Variants in SV2C observed in about 807,000 individuals in gnomAD.
SV2C encodes the protein synaptic vesicle glycoprotein 2C.
SV2C carries 49 observed loss-of-function variants against 79.7 expected under a neutral mutation model. The ratio of observed to expected loss-of-function variants is 0.61; its 90% confidence interval spans 0.49 to 0.78. The LOEUF (loss-of-function observed/expected upper bound fraction) is 0.78. Ranked by LOEUF, SV2C falls within the 30% of genes least tolerant of loss-of-function variation. SV2C has a pLI of 0.00. For missense variants in SV2C, 833 were observed against 912.9 expected (o/e 0.91, Z 1.13); for synonymous variants, 334 against 333.2 (o/e 1.00, Z -0.03).
chr5:76,223,066 C>T (rs993142602), intron 4 of SV2C, among the ~76,000 whole-genome samples: 2 of 152,088 alleles, frequency 1.3e-5, no homozygotes, highest in African/African-American at 4.8e-5. Context: ...GGCCCAGATG[C>T]CAGCTACCCC....
At chr5:76,221,215 G>A (rs10462536) in intron 4 of SV2C, among the ~76,000 whole-genome samples, 66,998 of 152,076 alleles carry the variant, frequency 0.44, 16,286 homozygotes, top group Admixed American at 0.55. Flanking sequence ...GGATAGCTCA[G>A]GGAATGGTCA....
rs1279039856 is a variant in SV2C, at chr5:76,298,881, C to T, written c.1590C>T (p.Thr530=). Residue 530 remains threonine, a synonymous_variant, in exon 10 of 13, where the codon ACC becomes ACT. Transcript: ENST00000502798. ...TTGAGGATGTAACTTCAGTGAACAC[C>T]TACTTCAAGAACTGCACATTTATTG... ...CTFEDVTSVN[T]YFKNCTFIDT... 2 of 1,613,852 alleles carry T rather than the reference C, an allele frequency of 1.2e-6. No homozygotes were observed. Among genetic ancestry groups the T allele is most frequent in the Non-Finnish European group, 1.7e-6 (2 of 1,179,922 alleles).
At chr5:75,925,859 A>T in the SV2C span, among the ~76,000 whole-genome samples, 152 of 152,274 alleles carry the variant, frequency 1.0e-3, 2 homozygotes, top group East Asian at 0.023. Context: ...TTTATCATCT[A>T]CCTGCAATGT....
chr5:76,226,531 A>G (rs1000658135), intron 4 of SV2C, among the ~76,000 whole-genome samples: 1 of 152,248 alleles, frequency 6.6e-6, no homozygotes, highest in East Asian at 1.9e-4. Flanking sequence ...TTATAGAGAT[A>G]CAATTTACAC....
the SV2C span, chr5:75,921,569 C>T: frequency 5.3e-5 from 50 of 940,908 alleles, no homozygotes; most frequent in Admixed American, 2.4e-4. Context: ...TGTGTCATTG[C>T]GGCCCGTGAA....
the SV2C span, among the ~76,000 whole-genome samples, chr5:75,969,258 A>C: frequency 5.3e-5 from 8 of 152,156 alleles, no homozygotes; most frequent in East Asian, 3.9e-4. Flanking sequence ...TAGGAAGAAA[A>C]TGCATCAACT....
chr5:75,988,437 C>G, the SV2C span, among the ~76,000 whole-genome samples: 2 of 152,018 alleles, frequency 1.3e-5, no homozygotes, highest in East Asian at 1.9e-4. Context: ...AATCATTTCC[C>G]AGAAATACAA....
In SV2C at chr5:76,228,891, G is replaced by A. The variant is rs536596868; in HGVS notation, c.913+19004G>A. Among the ~76,000 whole-genome samples the A allele has an allele frequency of 2.0e-5, 3 of 152,218 alleles. No individual in the cohort carries two copies. The South Asian group carries it at 6.2e-4, about 32-fold the overall frequency. Reference sequence around the variant, plus strand: ...GTAAGGTGGAGGAGCTAGGATTCAGGGCCATGCCATGCCTCCAGATACCAC... The same window carrying A: ...GTAAGGTGGAGGAGCTAGGATTCAGAGCCATGCCATGCCTCCAGATACCAC... On this transcript the variant is annotated intron_variant, in intron 4 of 12. Transcript: ENST00000502798.
the SV2C span, among the ~76,000 whole-genome samples, chr5:76,003,664 A>T: frequency 6.6e-6 from 1 of 152,164 alleles, no homozygotes; most frequent in Non-Finnish European, 1.5e-5. Flanking sequence ...ACAACAAAAT[A>T]TGATGATTAA....
Position 76,217,196 on chromosome 5 carries a change from T to A in SV2C, c.913+7309T>A, listed in dbSNP as rs187009627. ...CTTGGGGCTCCCATAAACGTCAGAC[T>A]TACCCCACCCTACGTCTCCAGCCAT... is the stretch of plus-strand genomic sequence containing the variant. On this transcript the variant is annotated intron_variant, in intron 4 of 12. Transcript: ENST00000502798. Among the ~76,000 whole-genome samples, 254 of 152,272 alleles carry A rather than the reference T, an allele frequency of 1.7e-3. 1 individual carries two copies. Among genetic ancestry groups the A allele is most frequent in the African/African-American group, 5.9e-3 (245 of 41,546 alleles).
At chr5:76,239,816 C>T (rs1327466680) in intron 4 of SV2C, among the ~76,000 whole-genome samples, 1 of 152,184 alleles carries the variant, frequency 6.6e-6, no homozygotes, top group African/African-American at 2.4e-5. Flanking sequence ...ATTCTGTTGC[C>T]ACCCATGCTA....
the SV2C span, among the ~76,000 whole-genome samples, chr5:76,023,021 G>A: frequency 6.6e-6 from 1 of 152,170 alleles, no homozygotes; most frequent in Non-Finnish European, 1.5e-5. Flanking sequence ...TGCCCCTGTA[G>A]ATGTATATCC....
chr5:76,072,684 A>G, the SV2C span, among the ~76,000 whole-genome samples: 2 of 152,252 alleles, frequency 1.3e-5, no homozygotes, highest in East Asian at 3.9e-4. Context: ...AAATCTCCAC[A>G]TTTTTTCCAT....
At chr5:76,220,617 T>A (rs1415825305) in intron 4 of SV2C, among the ~76,000 whole-genome samples, 6 of 127,666 alleles carry the variant, frequency 4.7e-5, no homozygotes, top group South Asian at 2.6e-4. Flanking sequence ...GACACTGTCT[T>A]AAAAAAAAAA....
the SV2C span, among the ~76,000 whole-genome samples, chr5:76,001,732 A>G: frequency 6.6e-6 from 1 of 152,116 alleles, no homozygotes; most frequent in East Asian, 1.9e-4. Context: ...ACCCTTAGTC[A>G]TTTGCACTGG....
the SV2C span, among the ~76,000 whole-genome samples, chr5:75,996,072 T>C: frequency 1.9e-3 from 292 of 152,288 alleles, 2 homozygotes; most frequent in African/African-American, 6.7e-3. Context: ...CCCCACATTA[T>C]CAAAGAAAGT....
intron 4 of SV2C, among the ~76,000 whole-genome samples, chr5:76,257,577 G>C (rs1208733477): frequency 6.6e-6 from 1 of 151,086 alleles, no homozygotes; most frequent in African/African-American, 2.4e-5. Flanking sequence ...GGGGGACATG[G>C]ATATGTGTGG....
intron 4 of SV2C, among the ~76,000 whole-genome samples, chr5:76,227,797 G>GT: frequency 1.3e-5 from 2 of 152,312 alleles, no homozygotes; most frequent in East Asian, 3.9e-4. Context: ...CTGTGGGGCT[G>GT]TTTTTTCCTT....
chr5:75,967,939 A>C, the SV2C span, among the ~76,000 whole-genome samples: 1 of 152,160 alleles, frequency 6.6e-6, no homozygotes, highest in African/African-American at 2.4e-5. Flanking sequence ...GCAGACTGAG[A>C]CCTCACACGG....
Sources: allele counts gnomAD v4.1 joint callset (sites outside exome capture counted in the v4.1 genomes callset), GRCh38; gene constraint gnomAD v4.1.1; transcripts MANE v1.5; gene names NCBI Gene and HGNC (gene_info 2026-07-23, HGNC 2026-07-21).